CACNB3: variants seen among roughly 807,000 people sequenced by gnomAD.
CACNB3 encodes voltage-dependent L-type calcium channel subunit beta-3.
In CACNB3, 36 loss-of-function variants were observed where a neutral mutation model predicts 63.7. The observed-to-expected ratio is 0.57, with a 90% CI of 0.43 to 0.75. CACNB3 has a LOEUF of 0.75. Ranked by LOEUF, CACNB3 falls within the 30% of genes least tolerant of loss-of-function variation. The pLI, the probability that CACNB3 is intolerant of heterozygous loss-of-function variation, is 0.00. For missense variants in CACNB3, 493 were observed against 648.6 expected (o/e 0.76, Z 2.61); for synonymous variants, 241 against 250.6 (o/e 0.96, Z 0.36).
intron 1 of CACNB3, 119 bp downstream of exon 1, chr12:48,819,093 G>A (rs1358389064): frequency 3.8e-6 from 4 of 1,041,202 alleles, no homozygotes; most frequent in East Asian, 5.5e-5. Flanking sequence ...GGGTTTGTAG[G>A]GGGGCGCTCT....
Position 48,827,722 on chromosome 12 carries a change from G to A in CACNB3, c.1278G>A (p.Glu426=), listed in dbSNP as rs1184573751. The A allele has an allele frequency of 1.2e-6, 2 of 1,614,034 alleles. No individual in the cohort carries two copies. Among genetic ancestry groups the A allele is most frequent in the Non-Finnish European group, 1.7e-6 (2 of 1,180,030 alleles). The part of the protein sequence containing the change: ...GSSQRSSRHL[E]EDYADAYQDL... The stretch of plus-strand genomic sequence containing the variant: ...CACAGCGTAGCTCCCGCCACCTGGA[G>A]GAGGACTATGCAGATGCCTACCAGG... The change falls in exon 13 of 13, where the codon GAG becomes GAA. Residue 426 remains glutamate, a synonymous_variant. Coordinates refer to ENST00000301050, the MANE Select transcript of CACNB3 (RefSeq NM_000725.4).
intron 1 of CACNB3, chr12:48,820,888 G>A (rs778487513): frequency 5.9e-5 from 9 of 152,186 alleles, no homozygotes; most frequent in Admixed American, 1.3e-4. Flanking sequence ...TGCCTCAGGC[G>A]TTATGATTAC....
chr12:48,826,864 T>G lies in CACNB3; in HGVS notation c.990+10T>G, dbSNP rs752275570. The G allele has an allele frequency of 6.2e-7, 1 of 1,613,118 alleles. No homozygotes were observed. Among genetic ancestry groups the G allele is most frequent in the African/African-American group, 1.3e-5 (1 of 74,860 alleles). On this transcript the variant is annotated intron_variant, in intron 11 of 12. Coordinates refer to ENST00000301050, the MANE Select transcript of CACNB3 (RefSeq NM_000725.4). The surrounding 1 kb of genome is among the most constrained non-coding windows in gnomAD (Gnocchi z 4.8). The stretch of plus-strand genomic sequence containing the variant: ...GGTTCAGTGCCCACCGGTGAGTGCC[T>G]GGGTCAGCTGCTCCTGTGCCCACTC...
chr12:48,822,532 C>A (rs1349253400), intron 1 of CACNB3, among the ~76,000 whole-genome samples: 1 of 152,154 alleles, frequency 6.6e-6, no homozygotes, highest in Admixed American at 6.5e-5. Context: ...GCTGATGTCC[C>A]CTGGGCCTGG....
At chr12:48,821,213 C>T (rs949463857) in intron 1 of CACNB3, 4 of 151,554 alleles carry the variant, frequency 2.6e-5, no homozygotes, top group Admixed American at 2.0e-4. Context: ...CTAAATTAAA[C>T]CAGGCATAGA....
upstream of CACNB3, among the ~76,000 whole-genome samples, chr12:48,816,702 G>A (rs538463620): frequency 2.6e-5 from 4 of 152,332 alleles, no homozygotes; most frequent in East Asian, 1.9e-4. Context: ...CAACCTTGTC[G>A]CAGGAGATTA....
Position 48,825,356 on chromosome 12 carries a change from G to A in CACNB3, c.574-78G>A, listed in dbSNP as rs376249257. 27 of 1,569,736 alleles carry A rather than the reference G, an allele frequency of 1.7e-5. No individual in the cohort carries two copies. Among genetic ancestry groups the A allele is most frequent in the African/African-American group, 6.8e-5 (5 of 74,040 alleles). On this transcript the variant is annotated intron_variant, in intron 7 of 12. Coordinates refer to ENST00000301050, the MANE Select transcript of CACNB3 (RefSeq NM_000725.4). This position sits in a 1 kb window ranked among gnomAD's most constrained non-coding sequence, Gnocchi z 4.5. ...TCCGTCCAGGGTGTGTATGTGGAGC[G>A]CATTGACTCTGGGGCCATGCATGGG...
In CACNB3 at chr12:48,825,886, T is replaced by C. The variant is rs1938110439; in HGVS notation, c.742+117T>C. On this transcript the variant is annotated intron_variant, in intron 9 of 12. Transcript: ENST00000301050. This position sits in a 1 kb window ranked among gnomAD's most constrained non-coding sequence, Gnocchi z 4.5. Reference sequence around the variant, plus strand: ...CTCTGTCACCTAGGCTGGAGTGCAGTGGTGAGATCTCGGCTCACTGCAACC... The same window carrying C: ...CTCTGTCACCTAGGCTGGAGTGCAGCGGTGAGATCTCGGCTCACTGCAACC... 3 of 679,562 alleles carry C rather than the reference T, an allele frequency of 4.4e-6. No homozygotes were observed. The highest frequency in any genetic ancestry group is 4.9e-5 in the Admixed American group (2 of 40,548). The allele number at this position is 679,562 out of a possible 1,614,324, so 42.1% of individuals were successfully genotyped here. A position where few individuals can be genotyped will look rare whatever the true frequency, so the allele number is the denominator to read the frequency against.
At position 48,827,868 on chromosome 12, in the gene CACNB3, G is replaced by A. The variant is rs182583357; in HGVS notation, c.1424G>A (p.Arg475His). Residue 475 changes from arginine (R) to histidine (H), a missense_variant, in exon 13 of 13, where the codon CGC becomes CAC. Physicochemically the swap from Arg to His is conservative, Grantham distance 29. Transcript: ENST00000301050. ...EHNHSDRNWQ[R>H]NRPWPKDSY Reference sequence around the variant, plus strand: ...AACCACAGTGACCGGAACTGGCAGCGCAACCGGCCTTGGCCCAAGGATAGC... The same window carrying A: ...AACCACAGTGACCGGAACTGGCAGCACAACCGGCCTTGGCCCAAGGATAGC... The A allele has an allele frequency of 4.3e-6, 7 of 1,614,016 alleles. No homozygotes were observed. The highest frequency in any genetic ancestry group is 2.2e-5 in the East Asian group (1 of 44,876).
upstream of CACNB3, chr12:48,814,692 G>A (rs1592176432): frequency 1.1e-6 from 1 of 938,038 alleles, no homozygotes; most frequent in Non-Finnish European, 1.5e-6. The surrounding 1 kb of genome is among the most constrained non-coding windows in gnomAD (Gnocchi z 6.9). Flanking sequence ...AGGAGGGGGA[G>A]AGGGGTTCGT....
intron 1 of CACNB3, 72 bp downstream of exon 1, chr12:48,819,046 G>A (rs1279611720): frequency 3.3e-6 from 5 of 1,509,558 alleles, no homozygotes; most frequent in African/African-American, 1.4e-5. Context: ...CCCTTTCCCC[G>A]GTTCAGGACT....
At chr12:48,824,528 A>AAC (rs1242060500) in intron 4 of CACNB3, 141 bp from the exon 5 acceptor site, 1 of 1,046,252 alleles carries the variant, frequency 9.6e-7, no homozygotes, top group Non-Finnish European at 1.4e-6. Context: ...CAAATCTACA[A>AAC]ACACACACAC....
rs972900012 is a variant in CACNB3 at position 48,826,386 on chromosome 12, C to G, written c.762C>G (p.Ile254Met). The G allele has an allele frequency of 9.9e-6, 16 of 1,613,988 alleles. No individual in the cohort carries two copies. Among genetic ancestry groups the G allele is most frequent in the African/African-American group, 1.3e-5 (1 of 74,916 alleles). The stretch of plus-strand genomic sequence containing the variant: ...CCATAGCGGAAGTGCAGAGTGAGAT[C>G]GAGCGCATATTTGAGCTGGCCAAAT... ...RSSIAEVQSE[I>M]ERIFELAKSL... Residue 254 changes from isoleucine (I) to methionine (M), a missense_variant, in exon 10 of 13, where the codon ATC becomes ATG. Coordinates refer to ENST00000301050, the MANE Select transcript of CACNB3 (RefSeq NM_000725.4). This position sits in a 1 kb window ranked among gnomAD's most constrained non-coding sequence, Gnocchi z 4.8.
Position 48,818,579 on chromosome 12 carries a change from C to G in CACNB3, c.-351C>G. The G allele has an allele frequency of 9.3e-7, 1 of 1,079,734 alleles. No homozygotes were observed. Among genetic ancestry groups the G allele is most frequent in the Non-Finnish European group, 1.1e-6 (1 of 891,252 alleles). The allele number at this position is 1,079,734 out of a possible 1,614,324, so 66.9% of individuals were successfully genotyped here. Reference sequence around the variant, plus strand: ...CACGGGTTCGTTCCCCTCTCCCGGCCTGGCCCGGGCTCCCCGGTGGCCGCC... The same window carrying G: ...CACGGGTTCGTTCCCCTCTCCCGGCGTGGCCCGGGCTCCCCGGTGGCCGCC... On this transcript the variant is annotated 5_prime_UTR_variant, in exon 1 of 13. Coordinates refer to ENST00000301050, the MANE Select transcript of CACNB3 (RefSeq NM_000725.4). The surrounding 1 kb of genome is among the most constrained non-coding windows in gnomAD (Gnocchi z 4.3).
chr12:48,826,231 C>A lies in CACNB3; in HGVS notation c.743-136C>A. The A allele has an allele frequency of 1.2e-6, 1 of 820,810 alleles. No individual in the cohort carries two copies. 50.8% of individuals were successfully genotyped at this position (820,810 alleles called of 1,614,324 possible). ...CACCCCTCCTCCTCAATTCCCATTC[C>A]TCTGCCTGTCCAGGCTTCGATGAAT... On this transcript the variant is annotated intron_variant, in intron 9 of 12. Coordinates refer to ENST00000301050, the MANE Select transcript of CACNB3 (RefSeq NM_000725.4). The surrounding 1 kb of genome is among the most constrained non-coding windows in gnomAD (Gnocchi z 4.8).
Position 48,825,314 on chromosome 12 carries a change from G to A in CACNB3, c.573+71G>A. 2 of 1,576,956 alleles carry A rather than the reference G, an allele frequency of 1.3e-6. No individual in the cohort carries two copies. Among genetic ancestry groups the A allele is most frequent in the East Asian group, 2.2e-5 (1 of 44,604 alleles). ...GCCACAGGAAGTCCCTAGGGAAAGT[G>A]GAAGGGGTGTGTCTCCTCCGTCCAG... On this transcript the variant is annotated intron_variant, in intron 7 of 12. Coordinates refer to ENST00000301050, the MANE Select transcript of CACNB3 (RefSeq NM_000725.4). The surrounding 1 kb of genome is among the most constrained non-coding windows in gnomAD (Gnocchi z 4.5).
rs372586163 is a variant in CACNB3 at position 48,825,405 on chromosome 12, C to T, written c.574-29C>T. On this transcript the variant is annotated intron_variant, in intron 7 of 12. Coordinates refer to ENST00000301050, the MANE Select transcript of CACNB3 (RefSeq NM_000725.4). This position sits in a 1 kb window ranked among gnomAD's most constrained non-coding sequence, Gnocchi z 4.5. ...GGGAGGCTGCTTCTCTCCAAAGGGG[C>T]CCTTCATCAGTGCCATGCCTTCCCC... The T allele has an allele frequency of 2.5e-6, 4 of 1,613,222 alleles. No homozygotes were observed. In the South Asian group the frequency reaches 4.4e-5, roughly 18 times the overall value.
At chr12:48,822,122 T>TAC (rs202022848) in intron 1 of CACNB3, among the ~76,000 whole-genome samples, 2 of 151,964 alleles carry the variant, frequency 1.3e-5, no homozygotes, top group Admixed American at 6.6e-5. Context: ...CCTTCCCCTA[T>TAC]ACACACACAC....
Position 48,818,874 on chromosome 12 carries a change from G to C in CACNB3, c.-56G>C. On this transcript the variant is annotated 5_prime_UTR_variant, in exon 1 of 13. Coordinates refer to ENST00000301050, the MANE Select transcript of CACNB3 (RefSeq NM_000725.4). The surrounding 1 kb of genome is among the most constrained non-coding windows in gnomAD (Gnocchi z 4.3). ...GGCGCGGCCCGCAGTCCTTGCCCCTGCCTCCGGGCCGCTCCCGCCCCCGGC... is the reference window on the plus strand; with the variant it reads ...GGCGCGGCCCGCAGTCCTTGCCCCTCCCTCCGGGCCGCTCCCGCCCCCGGC... 6.5e-7 allele frequency: 1 copy of C among 1,534,556 alleles called. No homozygotes were observed. Among genetic ancestry groups the C allele is most frequent in the Non-Finnish European group, 8.8e-7 (1 of 1,139,636 alleles).
Sources: allele counts gnomAD v4.1 joint callset (sites outside exome capture counted in the v4.1 genomes callset), GRCh38; gene constraint gnomAD v4.1.1; non-coding constraint Gnocchi (gnomAD v3.1); transcripts MANE v1.5; gene names NCBI Gene and HGNC (gene_info 2026-07-23, HGNC 2026-07-21).